NAV3: variants seen among roughly 807,000 people sequenced by gnomAD.
NAV3 encodes the protein neuron navigator 3.
A neutral mutation model predicts 244.7 loss-of-function variants in NAV3; 87 were observed. That is an observed-to-expected ratio of 0.36 (90% CI 0.30 to 0.42). The LOEUF (loss-of-function observed/expected upper bound fraction) is 0.42. NAV3 is among the 20% of genes least tolerant of loss of function. The probability of loss-of-function intolerance (pLI) is 1.00; values close to 1 mark genes in which losing one functional copy is unlikely to be tolerated. For synonymous variants in NAV3, 1,126 were observed against 1,042.2 expected, an observed-to-expected ratio of 1.08 and a Z score of -1.55; for missense variants, 2,663 against 2,893.3, an observed-to-expected ratio of 0.92 and a Z score of 1.83.
chr12:78,071,108 A>T (rs907263310), intron 12 of NAV3, among the ~76,000 whole-genome samples: 2 of 152,014 alleles, frequency 1.3e-5, no homozygotes, highest in Non-Finnish European at 2.9e-5. Context: ...TCCAGTTCTA[A>T]ATCCCTGAGG....
intron 5 of NAV3, among the ~76,000 whole-genome samples, chr12:77,989,705 T>C (rs1206854121): frequency 6.6e-6 from 1 of 152,172 alleles, no homozygotes; most frequent in Non-Finnish European, 1.5e-5. Flanking sequence ...ACATTTATTC[T>C]CTATACTGGA....
intron 9 of NAV3, among the ~76,000 whole-genome samples, chr12:78,032,211 A>G (rs1182695783): frequency 6.6e-6 from 1 of 152,224 alleles, no homozygotes; most frequent in African/African-American, 2.4e-5. Flanking sequence ...AAGATTTGCC[A>G]TACTATTAAA....
chr12:77,742,203 A>G (rs1342962353), intron 2 of NAV3, among the ~76,000 whole-genome samples: 4 of 151,926 alleles, frequency 2.6e-5, no homozygotes, highest in Admixed American at 2.6e-4. Context: ...TAACTTTGGG[A>G]GAGTTTTTCA....
chr12:77,812,459 G>A (rs930525863), intron 2 of NAV3, among the ~76,000 whole-genome samples: 14 of 151,654 alleles, frequency 9.2e-5, no homozygotes, highest in Non-Finnish European at 1.5e-5. Context: ...TGCCCAGGCT[G>A]GAGTGCAGTG....
chr12:77,943,105 A>G (rs150666601), intron 3 of NAV3, among the ~76,000 whole-genome samples: 324 of 152,320 alleles, frequency 2.1e-3, no homozygotes, highest in African/African-American at 7.4e-3. Flanking sequence ...AACAATGGTT[A>G]ATAGAGATGC....
intron 6 of NAV3, among the ~76,000 whole-genome samples, chr12:77,996,886 G>A (rs187867058): frequency 1.3e-5 from 2 of 152,182 alleles, no homozygotes; most frequent in African/African-American, 2.4e-5. Flanking sequence ...CATTCACATG[G>A]TGGCAGCAAA....
chr12:77,757,524 T>C (rs1030833201), intron 2 of NAV3, among the ~76,000 whole-genome samples: 1 of 152,252 alleles, frequency 6.6e-6, no homozygotes, highest in African/African-American at 2.4e-5. Flanking sequence ...TAAACTTTAA[T>C]ATCAAGGGTT....
At chr12:77,598,532 A>G (rs1195068989) in intron 2 of NAV3, among the ~76,000 whole-genome samples, 1 of 152,006 alleles carries the variant, frequency 6.6e-6, no homozygotes, top group Non-Finnish European at 1.5e-5. Flanking sequence ...GAAATCCTGT[A>G]ACAATTTTAG....
intron 9 of NAV3, among the ~76,000 whole-genome samples, chr12:78,034,558 A>T (rs971000038): frequency 6.6e-6 from 1 of 152,324 alleles, no homozygotes; most frequent in Admixed American, 6.5e-5. Context: ...AAGGGCATAA[A>T]TATTGCTTTT....
chr12:77,675,825 C>A (rs959737200), intron 2 of NAV3, among the ~76,000 whole-genome samples: 1 of 152,092 alleles, frequency 6.6e-6, no homozygotes, highest in African/African-American at 2.4e-5. Flanking sequence ...CTGTGCTGGT[C>A]CTTGTGTGTT....
chr12:77,739,843 G>C (rs1868294358), intron 2 of NAV3, among the ~76,000 whole-genome samples: 1 of 152,166 alleles, frequency 6.6e-6, no homozygotes, highest in African/African-American at 2.4e-5. Context: ...CTCATAAATA[G>C]AGAGTGGCTA....
intron 18 of NAV3, among the ~76,000 whole-genome samples, chr12:78,129,346 A>T (rs1956063822): frequency 1.3e-5 from 2 of 152,224 alleles, no homozygotes; most frequent in Non-Finnish European, 2.9e-5. Flanking sequence ...GAAGAAAAAA[A>T]TATGTAATTC....
At chr12:78,192,645 C>T (rs1050909707) in intron 34 of NAV3, among the ~76,000 whole-genome samples, 1 of 151,946 alleles carries the variant, frequency 6.6e-6, no homozygotes, top group Non-Finnish European at 1.5e-5. Context: ...CCCCTGACCT[C>T]GTGATCCACC....
chr12:77,765,636 G>T (rs1438628718), intron 2 of NAV3, among the ~76,000 whole-genome samples: 7 of 152,178 alleles, frequency 4.6e-5, no homozygotes, highest in Non-Finnish European at 7.3e-5. Context: ...GGAAGTATTA[G>T]AGAACAACTA....
At chr12:77,598,839 T>C (rs1592490554) in intron 2 of NAV3, among the ~76,000 whole-genome samples, 2 of 152,020 alleles carry the variant, frequency 1.3e-5, no homozygotes, top group Non-Finnish European at 2.9e-5. Flanking sequence ...TTGTTTATTT[T>C]TGTGATAAGA....
At chr12:77,998,198 A>G in intron 6 of NAV3, 139 bp from the exon 7 acceptor site, 1 of 523,678 alleles carries the variant, frequency 1.9e-6, no homozygotes, top group Non-Finnish European at 3.1e-6. Context: ...TTAGCTATTT[A>G]TTTGTCACAT....
At chr12:77,650,042 G>T (rs898657978) in intron 2 of NAV3, among the ~76,000 whole-genome samples, 4 of 152,054 alleles carry the variant, frequency 2.6e-5, no homozygotes, top group African/African-American at 9.7e-5. Flanking sequence ...TCTTAAGTTT[G>T]CCTTCCCTAG....
intron 3 of NAV3, among the ~76,000 whole-genome samples, chr12:77,954,013 G>C (rs1174482211): frequency 6.6e-6 from 1 of 152,132 alleles, no homozygotes. Flanking sequence ...TCCAGAGGCT[G>C]TAGGGATATC....
chr12:77,678,482 G>A (rs146539058), intron 2 of NAV3, among the ~76,000 whole-genome samples: 23 of 152,224 alleles, frequency 1.5e-4, no homozygotes, highest in Middle Eastern at 3.4e-3. Context: ...ACTCAAGGTC[G>A]TCATTCTATC....
Sources: allele counts gnomAD v4.1 joint callset (sites outside exome capture counted in the v4.1 genomes callset), GRCh38; gene constraint gnomAD v4.1.1; transcripts MANE v1.5; gene names NCBI Gene and HGNC (gene_info 2026-07-23, HGNC 2026-07-21).